TXNDC16: variants seen among roughly 807,000 people sequenced by gnomAD.
TXNDC16 encodes thioredoxin domain containing 16, also known as thioredoxin domain-containing protein 16.
In TXNDC16, 74 loss-of-function variants were observed where a neutral mutation model predicts 85.6. That is an observed-to-expected ratio of 0.86 (90% CI 0.72 to 1.05). The LOEUF is 1.05. Among genes scored for constraint, TXNDC16 ranks in the 50% least tolerant of loss-of-function variants. The probability of loss-of-function intolerance (pLI) is 0.00; values close to 1 mark genes in which losing one functional copy is unlikely to be tolerated. For synonymous variants in TXNDC16, 335 were observed against 326.5 expected, an observed-to-expected ratio of 1.03 and a Z score of -0.28; for missense variants, 959 against 947.0, an observed-to-expected ratio of 1.01 and a Z score of -0.17.
chr14:52,470,140 C>T lies in TXNDC16; in HGVS notation c.1515G>A (p.Ser505=), dbSNP rs576864053. Reference sequence around the variant, plus strand: ...TTAAATATTCTTCTGCTTCTTGGATCGATGTTATATTCACTGGATATGAAA... The same window carrying T: ...TTAAATATTCTTCTGCTTCTTGGATTGATGTTATATTCACTGGATATGAAA... ...NRISYPVNIT[S]IQEAEEYLSG... Residue 505 remains serine, a synonymous_variant, in exon 16 of 21, where the codon TCG becomes TCA. Transcript: ENST00000281741. 20 of 1,609,942 alleles carry T rather than the reference C, an allele frequency of 1.2e-5. No homozygotes were observed. In the Admixed American group the frequency reaches 1.8e-4, roughly 15 times the overall value.
intron 16 of TXNDC16, among the ~76,000 whole-genome samples, chr14:52,459,601 C>T (rs2035609089): frequency 6.6e-6 from 1 of 152,172 alleles, no homozygotes; most frequent in African/African-American, 2.4e-5. Context: ...GATACCATAA[C>T]CTGGCAGAGA....
At chr14:52,518,135 G>C (rs1217371184) in intron 7 of TXNDC16, among the ~76,000 whole-genome samples, 1 of 152,094 alleles carries the variant, frequency 6.6e-6, no homozygotes, top group Admixed American at 6.5e-5. Context: ...CTCCTTTACT[G>C]GTTCATCCTT....
At position 52,543,384 on chromosome 14, in the gene TXNDC16, T is replaced by C. The variant is rs2037874651; in HGVS notation, c.160+14A>G. The C allele has an allele frequency of 6.3e-7, 1 of 1,592,426 alleles. No homozygotes were observed. Among genetic ancestry groups the C allele is most frequent in the South Asian group, 1.2e-5 (1 of 86,442 alleles). ...ACATCACAAGAATCATATTAGAATT[T>C]TAAAAATACTTACCAGCTTGACAAA... On this transcript the variant is annotated intron_variant, in intron 3 of 20. Coordinates refer to ENST00000281741, the MANE Select transcript of TXNDC16 (RefSeq NM_020784.3).
rs2034874727 is a variant in TXNDC16 at position 52,430,811 on chromosome 14, A to T, written c.*1493T>A. The T allele has an allele frequency of 6.6e-6, 1 of 152,226 alleles. No individual in the cohort carries two copies. The highest frequency in any genetic ancestry group is 1.5e-5 in the Non-Finnish European group (1 of 68,052). 9.4% of individuals were successfully genotyped at this position (152,226 alleles called of 1,614,324 possible). A position where few individuals can be genotyped will look rare whatever the true frequency, so the allele number is the denominator to read the frequency against. ...CATATTAGAAATAAAAGCAAATGAA[A>T]ATGAGTTTAATCAGGCATCACATGC... On this transcript the variant is annotated 3_prime_UTR_variant, in exon 21 of 21. Transcript: ENST00000281741.
chr14:52,502,628 T>C (rs2036685527), intron 9 of TXNDC16, among the ~76,000 whole-genome samples: 1 of 152,316 alleles, frequency 6.6e-6, no homozygotes. Context: ...ACAGCTCCAG[T>C]CTACAGCTCC....
At chr14:52,547,501 T>G (rs188361343) in intron 1 of TXNDC16, among the ~76,000 whole-genome samples, 9 of 152,358 alleles carry the variant, frequency 5.9e-5, no homozygotes, top group Admixed American at 4.6e-4. Context: ...ACTTTTCCTG[T>G]AATTCATTTC....
chr14:52,549,824 A>G (rs1004234260), intron 1 of TXNDC16, among the ~76,000 whole-genome samples: 3 of 152,024 alleles, frequency 2.0e-5, no homozygotes, highest in African/African-American at 7.2e-5. Flanking sequence ...TTTTTAGTAG[A>G]GACGGGGTTT....
chr14:52,455,493 A>G, intron 17 of TXNDC16, 31 bp from the exon 18 acceptor site: 1 of 1,611,618 alleles, frequency 6.2e-7, no homozygotes, highest in Non-Finnish European at 8.5e-7. Flanking sequence ...AAAATTCACG[A>G]TCAAAATCTA....
At chr14:52,535,241 G>C (rs1213848581) in intron 6 of TXNDC16, among the ~76,000 whole-genome samples, 2 of 152,074 alleles carry the variant, frequency 1.3e-5, no homozygotes, top group Admixed American at 6.6e-5. Context: ...AAGCTTCACA[G>C]AACCCCCACC....
intron 16 of TXNDC16, among the ~76,000 whole-genome samples, chr14:52,465,647 A>G (rs2035757157): frequency 6.6e-6 from 1 of 152,052 alleles, no homozygotes; most frequent in Non-Finnish European, 1.5e-5. Flanking sequence ...GGCCACCTAG[A>G]TGCAAAAGCA....
chr14:52,472,793 G>A (rs908878136), intron 14 of TXNDC16, among the ~76,000 whole-genome samples: 1 of 152,114 alleles, frequency 6.6e-6, no homozygotes, highest in African/African-American at 2.4e-5. Flanking sequence ...AAGGGTATGG[G>A]GAGTCCTCGG....
At chr14:52,463,630 C>T (rs116789397) in intron 16 of TXNDC16, among the ~76,000 whole-genome samples, 225 of 152,202 alleles carry the variant, frequency 1.5e-3, no homozygotes, top group African/African-American at 5.1e-3. Context: ...CAGTTGGCCA[C>T]CTTTGATTGA....
At chr14:52,509,839 G>A (rs1270081685) in intron 9 of TXNDC16, among the ~76,000 whole-genome samples, 1 of 152,136 alleles carries the variant, frequency 6.6e-6, no homozygotes, top group South Asian at 2.1e-4. Context: ...AATTAGCCAG[G>A]TGTGGTGGCA....
intron 11 of TXNDC16, among the ~76,000 whole-genome samples, chr14:52,488,831 GAA>G (rs199871075): frequency 5.6e-5 from 5 of 89,946 alleles, no homozygotes; most frequent in African/African-American, 1.4e-4. Flanking sequence ...GAGACTCTGG[GAA>G]AAAAAAAAAA....
chr14:52,436,615 T>C (rs529610438), intron 20 of TXNDC16, among the ~76,000 whole-genome samples: 5 of 152,188 alleles, frequency 3.3e-5, no homozygotes, highest in Non-Finnish European at 7.4e-5. Context: ...TATTTAAGCA[T>C]AATATGTTTG....
intron 1 of TXNDC16, among the ~76,000 whole-genome samples, chr14:52,550,258 T>C (rs992636735): frequency 1.3e-5 from 2 of 152,150 alleles, no homozygotes; most frequent in African/African-American, 4.8e-5. Flanking sequence ...ATGGAGTATA[T>C]AACGCTTACA....
At chr14:52,447,200 G>T (rs1284770808) in intron 18 of TXNDC16, among the ~76,000 whole-genome samples, 1 of 149,322 alleles carries the variant, frequency 6.7e-6, no homozygotes, top group Non-Finnish European at 1.5e-5. Flanking sequence ...TGAGTCCCAG[G>T]CCAGAAAGCA....
intron 6 of TXNDC16, among the ~76,000 whole-genome samples, chr14:52,520,098 G>A (rs1594749638): frequency 6.6e-6 from 1 of 152,074 alleles, no homozygotes; most frequent in African/African-American, 2.4e-5. Context: ...AAAAAGTAGG[G>A]CAGGAATTTT....
Position 52,537,686 on chromosome 14 carries a change from T to A in TXNDC16, c.244-14A>T. 1 of 1,498,972 alleles carries A rather than the reference T, an allele frequency of 6.7e-7. No homozygotes were observed. The highest frequency in any genetic ancestry group is 1.1e-5 in the South Asian group (1 of 88,248). The allele number at this position is 1,498,972 out of a possible 1,614,324, so 92.9% of individuals were successfully genotyped here. On this transcript the variant is annotated splice_polypyrimidine_tract_variant and intron_variant, in intron 4 of 20. Coordinates refer to ENST00000281741, the MANE Select transcript of TXNDC16 (RefSeq NM_020784.3). ...GACACAATTAACCTTTAAAAGAGTA[T>A]ACTTAAGTTTTAGCATATATATCAA...
Sources: allele counts gnomAD v4.1 joint callset (sites outside exome capture counted in the v4.1 genomes callset), GRCh38; gene constraint gnomAD v4.1.1; transcripts MANE v1.5; gene names NCBI Gene and HGNC (gene_info 2026-07-23, HGNC 2026-07-21).